Variants in LIMK1 observed in about 807,000 individuals in gnomAD.
The protein encoded by LIMK1 is LIM motif-containing protein kinase.
In LIMK1, 21 loss-of-function variants were observed where a neutral mutation model predicts 77.6. The ratio of observed to expected loss-of-function variants is 0.27; its 90% CI spans 0.19 to 0.39. The LOEUF (loss-of-function observed/expected upper bound fraction) is 0.39. LIMK1 is among the 10% of genes least tolerant of loss of function. The pLI is 1.00. For missense variants in LIMK1, 696 were observed against 901.6 expected (o/e 0.77, Z 2.92); for synonymous variants, 358 against 370.0 (o/e 0.97, Z 0.37).
At chr7:74,084,085 G>T in intron 1 of LIMK1, 40 bp downstream of exon 1, 1 of 1,270,314 alleles carries the variant, frequency 7.9e-7, no homozygotes, top group Non-Finnish European at 1.1e-6. Flanking sequence ...GCCTGGAGGG[G>T]GTGCCCGGGG....
At chr7:74,113,045 GCA>G (rs1468507811) in intron 12 of LIMK1, among the ~76,000 whole-genome samples, 2 of 151,838 alleles carry the variant, frequency 1.3e-5, no homozygotes, top group Admixed American at 1.3e-4. Flanking sequence ...AATGTGCTGG[GCA>G]CAGTGGCTCA....
chr7:74,121,444 CCG>C lies in LIMK1; in HGVS notation c.*144_*145del. 3.7e-6 allele frequency: 3 copies of C among 805,004 alleles called. No homozygotes were observed. The South Asian group carries it at 5.8e-5, about 15-fold the overall frequency. 49.9% of individuals were successfully genotyped at this position (805,004 alleles called of 1,614,324 possible). Reference sequence around the variant, plus strand: ...AGGCCCTGACTTGCCTTCTCCCACCCCGTGGACCGCTTCCCCTGCCTTCTCTC... The same window carrying C: ...AGGCCCTGACTTGCCTTCTCCCACCCTGGACCGCTTCCCCTGCCTTCTCTC... On this transcript the variant is annotated 3_prime_UTR_variant, in exon 16 of 16. Coordinates refer to ENST00000336180, the MANE Select transcript of LIMK1 (RefSeq NM_002314.4).
rs201593102 is a variant in LIMK1, at chr7:74,096,750, G to T, written c.281G>T (p.Gly94Val). ...CHGCSEQITKGLVMVAGELKY... is the reference protein window; with the variant it reads ...CHGCSEQITKVLVMVAGELKY... ...GGGTGCTCTGAGCAAATCACCAAGG[G>T]ACTGGTTATGGTGAGCGCCCCCTGC... The change falls in exon 3 of 16, where the codon GGA (glycine) becomes GTA (valine). Residue 94 changes from glycine (G) to valine (V), a missense_variant. This residue lies in a region of LIMK1 where 252 missense variants were observed against 279.4 expected (regional missense o/e 0.90). Transcript: ENST00000336180. 1 of 1,606,780 alleles carries T rather than the reference G, an allele frequency of 6.2e-7. No homozygotes were observed. Among genetic ancestry groups the T allele is most frequent in the Non-Finnish European group, 8.5e-7 (1 of 1,175,362 alleles).
intron 12 of LIMK1, among the ~76,000 whole-genome samples, chr7:74,114,116 G>C (rs1450657866): frequency 2.6e-5 from 4 of 152,122 alleles, no homozygotes; most frequent in Non-Finnish European, 4.4e-5. Context: ...TGGGCGTGGT[G>C]GTGGGTGCCT....
intron 9 of LIMK1, 93 bp from the exon 10 acceptor site, chr7:74,108,812 T>TA: frequency 6.5e-7 from 1 of 1,536,222 alleles, no homozygotes; most frequent in Non-Finnish European, 8.8e-7. Flanking sequence ...TGAGACCGCC[T>TA]ACAGCCCCTG....
chr7:74,095,617 G>C (rs1300638290), intron 2 of LIMK1, among the ~76,000 whole-genome samples: 3 of 152,024 alleles, frequency 2.0e-5, no homozygotes, highest in Admixed American at 1.3e-4. Flanking sequence ...TGTTGCCCAG[G>C]CTGGCCTCAA....
At chr7:74,102,830 A>G (rs1442731407) in intron 5 of LIMK1, among the ~76,000 whole-genome samples, 2 of 150,032 alleles carry the variant, frequency 1.3e-5, no homozygotes, top group Non-Finnish European at 3.0e-5. Context: ...CCAGTCCATG[A>G]TCAACATTGC....
chr7:74,085,889 G>GT, intron 2 of LIMK1, 45 bp downstream of exon 2: 1 of 1,418,538 alleles, frequency 7.0e-7, no homozygotes, highest in Non-Finnish European at 9.7e-7. Flanking sequence ...AACAAGGCCT[G>GT]CCAGAGAGGA....
At position 74,105,913 on chromosome 7, in the gene LIMK1, C is replaced by A. The variant is rs1202379279; in HGVS notation, c.647C>A (p.Ser216Tyr). ...PGCMSPDVKN[S>Y]IHVGDRILEI... Reference sequence around the variant, plus strand: ...TGCATGAGCCCAGATGTGAAGAATTCCATCCACGTCGGAGACCGGATCTTG... The same window carrying A: ...TGCATGAGCCCAGATGTGAAGAATTACATCCACGTCGGAGACCGGATCTTG... The change falls in exon 6 of 16, where the codon TCC becomes TAC. Residue 216 changes from serine (S) to tyrosine (Y), a missense_variant. Physicochemically the swap from Ser to Tyr is moderately radical, Grantham distance 144. This residue lies in a region of LIMK1 where 6 missense variants were observed against 19.9 expected (regional missense o/e 0.30). Transcript: ENST00000336180. 6.2e-7 allele frequency: 1 copy of A among 1,613,920 alleles called. No individual in the cohort carries two copies. Among genetic ancestry groups the A allele is most frequent in the Non-Finnish European group, 8.5e-7 (1 of 1,180,038 alleles).
intron 2 of LIMK1, among the ~76,000 whole-genome samples, chr7:74,093,577 T>C (rs113325306): frequency 6.6e-6 from 1 of 152,198 alleles, no homozygotes; most frequent in African/African-American, 2.4e-5. Context: ...ACTCCTGTCA[T>C]TATGGAAGCC....
chr7:74,085,698 C>A, intron 1 of LIMK1, 50 bp from the exon 2 acceptor site: 1 of 1,460,456 alleles, frequency 6.8e-7, no homozygotes, highest in Non-Finnish European at 9.4e-7. Flanking sequence ...TGGGCCTGCA[C>A]CAGATCACAC....
At chr7:74,096,304 A>G (rs1050975276) in intron 2 of LIMK1, among the ~76,000 whole-genome samples, 3 of 151,600 alleles carry the variant, frequency 2.0e-5, no homozygotes, top group East Asian at 2.0e-4. Context: ...GCTCAAGACC[A>G]TCCTGGCCAA....
At chr7:74,084,349 G>C (rs1485683559) in intron 1 of LIMK1, among the ~76,000 whole-genome samples, 2 of 152,056 alleles carry the variant, frequency 1.3e-5, no homozygotes, top group Admixed American at 6.5e-5. Flanking sequence ...CGCGTGCTCT[G>C]TCCACCACCC....
intron 12 of LIMK1, 129 bp downstream of exon 12, chr7:74,112,127 G>A (rs377234822): frequency 5.4e-6 from 4 of 743,096 alleles, no homozygotes; most frequent in Non-Finnish European, 8.8e-6. Context: ...TGAGGTGGGG[G>A]TGGGGGGCAG....
intron 12 of LIMK1, among the ~76,000 whole-genome samples, chr7:74,113,523 G>A (rs1554698933): frequency 6.6e-6 from 1 of 152,044 alleles, no homozygotes; most frequent in East Asian, 1.9e-4. Flanking sequence ...TACTCGGGAG[G>A]CTGAGGCAGG....
intron 2 of LIMK1, 112 bp from the exon 3 acceptor site, chr7:74,096,510 C>CA: frequency 6.9e-7 from 1 of 1,451,242 alleles, no homozygotes; most frequent in Non-Finnish European, 9.4e-7. Context: ...AAAAAACAAA[C>CA]AAAAAGAAAA....
At chr7:74,118,767 TTA>T (rs1481334648) in intron 13 of LIMK1, among the ~76,000 whole-genome samples, 1 of 152,044 alleles carries the variant, frequency 6.6e-6, no homozygotes, top group East Asian at 1.9e-4. Flanking sequence ...CAAAAAAGTC[TTA>T]GTGTTTCCTA....
chr7:74,112,694 A>T (rs1407857855), intron 12 of LIMK1, among the ~76,000 whole-genome samples: 1 of 152,074 alleles, frequency 6.6e-6, no homozygotes, highest in African/African-American at 2.4e-5. Flanking sequence ...GCGTGGTGGC[A>T]GGTGCCTGTA....
intron 12 of LIMK1, among the ~76,000 whole-genome samples, chr7:74,114,931 A>G (rs1339203104): frequency 1.3e-5 from 2 of 151,414 alleles, no homozygotes; most frequent in East Asian, 3.9e-4. Flanking sequence ...AAAAAAAAAA[A>G]GATAAAATTG....
Sources: allele counts gnomAD v4.1 joint callset (sites outside exome capture counted in the v4.1 genomes callset), GRCh38; gene constraint gnomAD v4.1.1; regional missense constraint gnomAD v4.1.1; transcripts MANE v1.5; gene names NCBI Gene and HGNC (gene_info 2026-07-23, HGNC 2026-07-21).